PTPDC1: variants seen among roughly 807,000 people sequenced by gnomAD.
PTPDC1 encodes protein tyrosine phosphatase domain-containing protein 1.
In PTPDC1, 53 loss-of-function variants were observed where a neutral mutation model predicts 75.3. That is an observed-to-expected ratio of 0.70 (90% confidence interval 0.56 to 0.88). The LOEUF is 0.88. Ranked by LOEUF, PTPDC1 falls within the 40% of genes least tolerant of loss-of-function variation. PTPDC1 has a pLI of 0.00. For missense variants in PTPDC1, 925 were observed against 998.6 expected (o/e 0.93, Z 0.99); for synonymous variants, 349 against 366.2 (o/e 0.95, Z 0.54).
chr9:94,057,362 G>A (rs1178114909), intron 1 of PTPDC1, among the ~76,000 whole-genome samples: 2 of 152,156 alleles, frequency 1.3e-5, no homozygotes, highest in East Asian at 3.8e-4. Context: ...GGGATTACAG[G>A]TATGAACCAC....
At chr9:94,103,496 C>T (rs1827914751) in intron 7 of PTPDC1, among the ~76,000 whole-genome samples, 1 of 152,186 alleles carries the variant, frequency 6.6e-6, no homozygotes, top group Non-Finnish European at 1.5e-5. Context: ...TCCTAATTCA[C>T]CCTCGGGCAA....
intron 1 of PTPDC1, among the ~76,000 whole-genome samples, chr9:94,049,447 G>T (rs1343044890): frequency 2.6e-5 from 4 of 152,162 alleles, no homozygotes; most frequent in African/African-American, 9.7e-5. Flanking sequence ...TGTCTGTAAA[G>T]TATTTTATTT....
At chr9:94,106,157 T>C (rs1345890334) in intron 8 of PTPDC1, among the ~76,000 whole-genome samples, 1 of 152,186 alleles carries the variant, frequency 6.6e-6, no homozygotes, top group African/African-American at 2.4e-5. Context: ...TTTAAGGGGA[T>C]ACGAATGAAA....
At chr9:94,075,535 A>G (rs1412361940) in intron 2 of PTPDC1, among the ~76,000 whole-genome samples, 1 of 152,166 alleles carries the variant, frequency 6.6e-6, no homozygotes, top group Non-Finnish European at 1.5e-5. Flanking sequence ...CTTTTCTTAT[A>G]GCTTGTTCTG....
intron 1 of PTPDC1, among the ~76,000 whole-genome samples, chr9:94,060,835 C>T (rs1034844438): frequency 1.3e-5 from 2 of 152,198 alleles, no homozygotes; most frequent in Non-Finnish European, 2.9e-5. Context: ...CCAAGCCCCA[C>T]CTTCAACATT....
chr9:94,096,944 C>A (rs923500562), intron 5 of PTPDC1, among the ~76,000 whole-genome samples: 4 of 152,056 alleles, frequency 2.6e-5, no homozygotes, highest in Non-Finnish European at 5.9e-5. Flanking sequence ...AAAATAGAAA[C>A]AGGATTTGCT....
At chr9:94,064,949 T>G in intron 2 of PTPDC1, 1 of 664,698 alleles carries the variant, frequency 1.5e-6, no homozygotes. Context: ...CAAGTATTAC[T>G]TACTGCCTTA....
intron 1 of PTPDC1, among the ~76,000 whole-genome samples, chr9:94,050,198 C>G (rs1355814985): frequency 2.0e-5 from 3 of 152,110 alleles, no homozygotes; most frequent in Non-Finnish European, 2.9e-5. Context: ...TCATCTGAAG[C>G]CTTCTTCTCT....
chr9:94,103,808 G>A (rs1827925811), intron 7 of PTPDC1, among the ~76,000 whole-genome samples: 1 of 152,100 alleles, frequency 6.6e-6, no homozygotes, highest in South Asian at 2.1e-4. Context: ...TGGGGGACTG[G>A]GGTTGTCCTT....
chr9:94,033,206 T>C (rs1252844117), intron 1 of PTPDC1, among the ~76,000 whole-genome samples: 2 of 152,166 alleles, frequency 1.3e-5, no homozygotes, highest in African/African-American at 2.4e-5. Flanking sequence ...AGTCCAGACA[T>C]TTTCTTTGTT....
At chr9:94,070,656 T>C (rs1277341618) in intron 2 of PTPDC1, among the ~76,000 whole-genome samples, 2 of 152,198 alleles carry the variant, frequency 1.3e-5, no homozygotes, top group Admixed American at 1.3e-4. Flanking sequence ...ACTTCCTTTA[T>C]AGTTAAACCC....
intron 5 of PTPDC1, among the ~76,000 whole-genome samples, chr9:94,096,215 G>T (rs1447338542): frequency 1.3e-5 from 2 of 152,220 alleles, no homozygotes; most frequent in Non-Finnish European, 2.9e-5. Context: ...CAGTGTACCT[G>T]TGCTCCTGCC....
At chr9:94,033,681 T>G (rs577373631) in intron 1 of PTPDC1, among the ~76,000 whole-genome samples, 1 of 151,994 alleles carries the variant, frequency 6.6e-6, no homozygotes, top group African/African-American at 2.4e-5. Context: ...TTAATATTAG[T>G]TTTTTTCCTC....
rs919222244 is a variant in PTPDC1, at chr9:94,097,748, C to T, written c.1182C>T (p.Asp394=). ...MQLDKELLRH[D]SDVSNPPNPT... is the part of the protein sequence containing the mutation. ...TGGATAAAGAGTTACTGAGGCATGA[C>T]AGTGATGTGTCCAACCCGCCTAACC... The change falls in exon 6 of 9, where the codon GAC becomes GAT. Residue 394 remains aspartate (D), a synonymous_variant. Transcript: ENST00000620992. 6.2e-7 allele frequency: 1 copy of T among 1,614,196 alleles called. No homozygotes were observed. Among genetic ancestry groups the T allele is most frequent in the Non-Finnish European group, 8.5e-7 (1 of 1,180,048 alleles).
At chr9:94,077,662 A>T (rs1177265262) in intron 2 of PTPDC1, among the ~76,000 whole-genome samples, 1 of 152,160 alleles carries the variant, frequency 6.6e-6, no homozygotes, top group Non-Finnish European at 1.5e-5. Flanking sequence ...CCATGTTCTC[A>T]GCTCTTTGAA....
chr9:94,045,294 C>T (rs1197185298), intron 1 of PTPDC1, among the ~76,000 whole-genome samples: 10 of 152,070 alleles, frequency 6.6e-5, no homozygotes, highest in African/African-American at 2.2e-4. Flanking sequence ...AATAGTGCCG[C>T]AGTAAACATA....
At chr9:94,088,585 A>G (rs1339010416) in intron 4 of PTPDC1, among the ~76,000 whole-genome samples, 1 of 152,196 alleles carries the variant, frequency 6.6e-6, no homozygotes, top group Non-Finnish European at 1.5e-5. Flanking sequence ...TGTTTTACAT[A>G]TGAAGCCACA....
chr9:94,086,565 A>G (rs1827080735), intron 2 of PTPDC1, among the ~76,000 whole-genome samples: 1 of 152,264 alleles, frequency 6.6e-6, no homozygotes, highest in Admixed American at 6.5e-5. Flanking sequence ...ACGACTTCCA[A>G]CAGACTTACC....
At chr9:94,074,149 T>A (rs574666251) in intron 2 of PTPDC1, among the ~76,000 whole-genome samples, 2 of 152,338 alleles carry the variant, frequency 1.3e-5, no homozygotes, top group Non-Finnish European at 2.9e-5. Context: ...TGGGTCCTTT[T>A]CTTTCTCGCT....
Sources: gnomAD v4.1 joint callset for allele counts (sites outside exome capture counted in the v4.1 genomes callset) on GRCh38, gnomAD v4.1.1 for gene constraint, MANE v1.5 for transcripts, NCBI Gene and HGNC (gene_info 2026-07-23, HGNC 2026-07-21) for gene names.